Variants in RABGAP1L observed in about 807,000 individuals in gnomAD.
RABGAP1L encodes the protein RAB GTPase activating protein 1 like.
Under a neutral mutation model 137.7 loss-of-function variants are expected in RABGAP1L, and 63 were observed. That is an observed-to-expected ratio of 0.46 (90% CI 0.37 to 0.56). RABGAP1L has a LOEUF of 0.56. Among genes scored for constraint, RABGAP1L ranks in the 20% least tolerant of loss-of-function variants. The pLI is 0.00. For synonymous variants in RABGAP1L, 431 were observed against 433.7 expected (o/e 0.99, Z 0.08); for missense variants, 1,095 against 1,244.0 (o/e 0.88, Z 1.80).
intron 13 of RABGAP1L, among the ~76,000 whole-genome samples, chr1:174,518,254 G>A (rs1232055938): frequency 1.3e-5 from 2 of 152,164 alleles, no homozygotes; most frequent in African/African-American, 2.4e-5. Context: ...GACAGTCACA[G>A]GATTGAACTA....
chr1:174,918,476 A>G (rs1300154323), intron 19 of RABGAP1L, among the ~76,000 whole-genome samples: 2 of 152,184 alleles, frequency 1.3e-5, no homozygotes, highest in Non-Finnish European at 2.9e-5. Flanking sequence ...TGCTCACAGA[A>G]TCTGCGGAGC....
At chr1:174,240,036 A>G (rs1671658707) in intron 4 of RABGAP1L, among the ~76,000 whole-genome samples, 1 of 152,236 alleles carries the variant, frequency 6.6e-6, no homozygotes, top group Non-Finnish European at 1.5e-5. Context: ...TTTTTAAAGA[A>G]AAATTGTTTT....
At chr1:174,366,261 C>T (rs1684600306) in intron 11 of RABGAP1L, among the ~76,000 whole-genome samples, 1 of 152,098 alleles carries the variant, frequency 6.6e-6, no homozygotes. Context: ...AACAGTATAC[C>T]TAGGACCTGA....
intron 13 of RABGAP1L, among the ~76,000 whole-genome samples, chr1:174,603,317 C>T (rs1273429161): frequency 1.3e-5 from 2 of 152,088 alleles, no homozygotes; most frequent in Non-Finnish European, 2.9e-5. Flanking sequence ...ACAGAGTCTC[C>T]GTCTCCATCC....
intron 18 of RABGAP1L, among the ~76,000 whole-genome samples, chr1:174,775,002 C>T (rs1365346484): frequency 6.6e-6 from 1 of 152,170 alleles, no homozygotes; most frequent in African/African-American, 2.4e-5. Context: ...TACATAAGAT[C>T]ACTCAAGGAC....
chr1:174,211,034 G>C (rs1481972222), intron 1 of RABGAP1L, among the ~76,000 whole-genome samples: 1 of 152,132 alleles, frequency 6.6e-6, no homozygotes, highest in Non-Finnish European at 1.5e-5. Context: ...GACTTTCTCA[G>C]ACAAAAGCTG....
intron 11 of RABGAP1L, among the ~76,000 whole-genome samples, chr1:174,351,066 C>T (rs1299300818): frequency 1.1e-4 from 2 of 18,614 alleles, no homozygotes; most frequent in Non-Finnish European, 2.1e-4. Flanking sequence ...AGAGGGAGAC[C>T]GTGGGGGGAG....
At chr1:174,685,551 CTTTATTTA>C (rs58721848) in intron 15 of RABGAP1L, among the ~76,000 whole-genome samples, 3,581 of 145,052 alleles carry the variant, frequency 0.025, 153 homozygotes, top group African/African-American at 0.089. Flanking sequence ...CCGCGCCGGC[CTTTATTTA>C]TTTATTTATT....
chr1:174,619,044 TG>T (rs1672186707), intron 13 of RABGAP1L, among the ~76,000 whole-genome samples: 1 of 152,006 alleles, frequency 6.6e-6, no homozygotes, highest in Non-Finnish European at 1.5e-5. Flanking sequence ...GTATCAGTGA[TG>T]GAAAATCAAA....
chr1:174,946,917 A>AAT (rs1229002557), intron 19 of RABGAP1L, among the ~76,000 whole-genome samples: 41 of 59,822 alleles, frequency 6.9e-4, no homozygotes, highest in African/African-American at 1.4e-3. Context: ...AAAAAAAAAA[A>AAT]ATATATATAT....
intron 14 of RABGAP1L, among the ~76,000 whole-genome samples, chr1:174,639,375 A>C (rs1349299278): frequency 6.6e-6 from 1 of 152,208 alleles, no homozygotes; most frequent in South Asian, 2.1e-4. Flanking sequence ...CCACAAAAAA[A>C]GGTATATGTT....
intron 18 of RABGAP1L, among the ~76,000 whole-genome samples, chr1:174,795,192 C>A (rs750812167): frequency 3.9e-5 from 6 of 151,962 alleles, no homozygotes; most frequent in Non-Finnish European, 7.4e-5. Context: ...TGTCACCCCT[C>A]CCCCCCAGTA....
At chr1:174,356,590 CAG>C (rs1003882624) in intron 11 of RABGAP1L, among the ~76,000 whole-genome samples, 35 of 150,904 alleles carry the variant, frequency 2.3e-4, no homozygotes, top group African/African-American at 7.8e-4. Flanking sequence ...TTTTTCAAAG[CAG>C]AGAGTGACCA....
intron 19 of RABGAP1L, among the ~76,000 whole-genome samples, chr1:174,931,840 A>C (rs1663842025): frequency 6.6e-6 from 1 of 152,162 alleles, no homozygotes; most frequent in African/African-American, 2.4e-5. Flanking sequence ...CAAGTGGAGA[A>C]ATACCATGTG....
At chr1:174,455,209 A>G (rs1655911049) in intron 13 of RABGAP1L, among the ~76,000 whole-genome samples, 1 of 152,210 alleles carries the variant, frequency 6.6e-6, no homozygotes, top group Non-Finnish European at 1.5e-5. Flanking sequence ...GGTGATAAAT[A>G]TCAAGAAACG....
At chr1:174,173,516 A>G (rs1485173404) in intron 1 of RABGAP1L, among the ~76,000 whole-genome samples, 1 of 152,164 alleles carries the variant, frequency 6.6e-6, no homozygotes, top group East Asian at 1.9e-4. Context: ...ATTTCTTATG[A>G]CTTCCTCTCA....
At chr1:174,490,043 C>T (rs1041686204) in intron 13 of RABGAP1L, among the ~76,000 whole-genome samples, 1 of 152,068 alleles carries the variant, frequency 6.6e-6, no homozygotes, top group Non-Finnish European at 1.5e-5. Context: ...AATTCTCTGT[C>T]TGAAAGGTAC....
intron 8 of RABGAP1L, among the ~76,000 whole-genome samples, chr1:174,273,383 C>G (rs565534769): frequency 6.6e-6 from 1 of 151,938 alleles, no homozygotes; most frequent in African/African-American, 2.4e-5. Flanking sequence ...ATAGCTCTTA[C>G]CATCTGTGGG....
At chr1:174,690,820 A>G (rs755571812) in intron 15 of RABGAP1L, among the ~76,000 whole-genome samples, 2 of 148,828 alleles carry the variant, frequency 1.3e-5, no homozygotes, top group African/African-American at 2.5e-5. Context: ...AAGGTTCACC[A>G]GCATTCATCT....
Sources: gnomAD v4.1 joint callset for allele counts (sites outside exome capture counted in the v4.1 genomes callset) on GRCh38, gnomAD v4.1.1 for gene constraint, MANE v1.5 for transcripts, NCBI Gene and HGNC (gene_info 2026-07-23, HGNC 2026-07-21) for gene names.